HAP1: variants seen among roughly 807,000 people sequenced by gnomAD.
The protein encoded by HAP1 is huntingtin-associated protein 1.
HAP1 carries 59 observed loss-of-function variants against 60.3 expected under a neutral mutation model. That is an observed-to-expected ratio of 0.98 (90% CI 0.79 to 1.22). The LOEUF (loss-of-function observed/expected upper bound fraction) is 1.22. HAP1 is among the 50% of genes most tolerant of loss of function. The pLI is 0.00. For missense variants in HAP1, 825 were observed against 785.3 expected (o/e 1.05, Z -0.60); for synonymous variants, 346 against 330.6 (o/e 1.05, Z -0.50).
At chr17:41,732,155 G>A in intron 3 of HAP1, 37 bp from the exon 4 acceptor site, 2 of 1,611,086 alleles carry the variant, frequency 1.2e-6, no homozygotes, top group Non-Finnish European at 8.5e-7. Context: ...GTTGGGAGTG[G>A]GCAGGGACAG....
chr17:41,725,831 G>A (rs782082647), intron 10 of HAP1, 28 bp downstream of exon 10: 11 of 1,593,388 alleles, frequency 6.9e-6, no homozygotes, highest in Non-Finnish European at 9.5e-6. Flanking sequence ...CTGAGGGCAG[G>A]TTGTAGGGGA....
chr17:41,734,155 G>A lies in HAP1; in HGVS notation c.469+11C>T, dbSNP rs974127680. The A allele has an allele frequency of 1.1e-4, 173 of 1,564,548 alleles. 1 individual carries two copies. Among genetic ancestry groups the A allele is most frequent in the Non-Finnish European group, 1.5e-4 (169 of 1,150,760 alleles). On this transcript the variant is annotated intron_variant, in intron 1 of 10. Transcript: ENST00000347901. ...CCCCACCCGGTCCAGGACCCCGGGG[G>A]CCCGATTTACCTTCCTCCAGCTCCC...
chr17:41,726,271 G>A (rs548904734), intron 9 of HAP1, among the ~76,000 whole-genome samples: 50 of 152,096 alleles, frequency 3.3e-4, no homozygotes, highest in Non-Finnish European at 4.6e-4. Flanking sequence ...AAAATTAGCC[G>A]GGCGTGGTGA....
chr17:41,719,124 A>C (rs4325618), downstream of HAP1, among the ~76,000 whole-genome samples: 2 of 151,726 alleles, frequency 1.3e-5, no homozygotes, highest in African/African-American at 2.4e-5. Context: ...GATTATAGGC[A>C]GGCACCACCA....
intron 6 of HAP1, 39 bp from the exon 7 acceptor site, chr17:41,728,370 G>A (rs1555589618): frequency 1.2e-6 from 2 of 1,604,560 alleles, no homozygotes; most frequent in East Asian, 2.2e-5. Flanking sequence ...TGGCTCCCCT[G>A]GCCTTCAGGG....
chr17:41,734,628 G>T lies in HAP1; in HGVS notation c.7C>A (p.Pro3Thr), dbSNP rs535921386. 6.6e-7 allele frequency: 1 copy of T among 1,511,778 alleles called. No homozygotes were observed. The highest frequency in any genetic ancestry group is 2.4e-5 in the East Asian group (1 of 42,166). 93.6% of individuals were successfully genotyped at this position (1,511,778 alleles called of 1,614,324 possible). A position where few individuals can be genotyped will look rare whatever the true frequency, so the allele number is the denominator to read the frequency against. ...GCGCAGCACCGGCCCAACCTCTTCG[G>T]GCGCATCTCGAGTCTGCCGTCCGCT... MR[P>T]KRLGRCCAGS... Residue 3 changes from proline (P) to threonine (T), a missense_variant, in exon 1 of 11, where the codon CCG (proline) becomes ACG (threonine). Coordinates refer to ENST00000347901, the MANE Select transcript of HAP1 (RefSeq NM_177977.3).
At chr17:41,727,646 C>T (rs1911773457) in intron 8 of HAP1, 116 bp downstream of exon 8, 1 of 687,916 alleles carries the variant, frequency 1.5e-6, no homozygotes, top group Non-Finnish European at 2.6e-6. Context: ...TGGAAACGGA[C>T]AAGACTCAGT....
intron 1 of HAP1, 131 bp from the exon 2 acceptor site, chr17:41,732,929 G>C (rs1912341064): frequency 1.5e-6 from 1 of 663,956 alleles, no homozygotes; most frequent in African/African-American, 1.8e-5. Context: ...AGAAGACTGG[G>C]CTCCCCTCCT....
In HAP1 at chr17:41,725,143, C is replaced by T. The variant is rs374915588; in HGVS notation, c.1418G>A (p.Arg473His). The change falls in exon 11 of 11, where the codon CGC becomes CAC. Residue 473 changes from arginine (R) to histidine (H), a missense_variant. Physicochemically the swap from Arg to His is conservative, Grantham distance 29 (BLOSUM62 0). Coordinates refer to ENST00000347901, the MANE Select transcript of HAP1 (RefSeq NM_177977.3). ...CACCTGCTCTCGATCCTCACTGTAG[C>T]GAAAATCATACCTGGGCGGGAGATA... ...GDTSSLRYDF[R>H]YSEDREQVRG... 255 of 1,583,496 alleles carry T rather than the reference C, an allele frequency of 1.6e-4. 1 individual carries two copies. In the South Asian group the frequency reaches 1.8e-3, roughly 11 times the overall value.
intron 6 of HAP1, among the ~76,000 whole-genome samples, chr17:41,729,522 C>G (rs1403762750): frequency 8.4e-6 from 1 of 119,410 alleles, no homozygotes; most frequent in Non-Finnish European, 1.7e-5. Context: ...TGCACTCCAG[C>G]CTGGGTTACA....
rs908947077 is a variant in HAP1, at chr17:41,732,054, T to C, written c.779A>G (p.Asp260Gly). Reference sequence around the variant, plus strand: ...CTCTTCTTCATCCTCATCCTCCTCATCAGAATCTGAGTAGAGCTGGAGGAG... The same window carrying C: ...CTCTTCTTCATCCTCATCCTCCTCACCAGAATCTGAGTAGAGCTGGAGGAG... The part of the protein sequence containing the change: ...DELLQLYSDS[D>G]EEDEDEEEEE... Residue 260 changes from aspartate to glycine, a missense_variant, in exon 4 of 11, where the codon GAT (aspartate) becomes GGT (glycine). Transcript: ENST00000347901. 9 of 1,606,230 alleles carry C rather than the reference T, an allele frequency of 5.6e-6. No homozygotes were observed. Among genetic ancestry groups the C allele is most frequent in the South Asian group, 5.5e-5 (5 of 90,912 alleles).
chr17:41,720,605 A>G (rs782511109), downstream of HAP1, among the ~76,000 whole-genome samples: 1 of 151,960 alleles, frequency 6.6e-6, no homozygotes, highest in Non-Finnish European at 1.5e-5. Flanking sequence ...CTTCTTCTCA[A>G]TTGCCTTCAG....
rs1555588442 is a variant in HAP1, at chr17:41,725,112, C to T, written c.1449G>A (p.Gly483=). The stretch of plus-strand genomic sequence containing the variant: ...GCATCAACCCTTCCTCAGCCTCAAA[C>T]CCCCGCACCTGCTCTCGATCCTCAC... ...RYSEDREQVR[G]FEAEEGLMLA... is the part of the protein sequence containing the mutation. Residue 483 remains glycine, a synonymous_variant, in exon 11 of 11, where the codon GGG becomes GGA. Coordinates refer to ENST00000347901, the MANE Select transcript of HAP1 (RefSeq NM_177977.3). 3 of 1,608,646 alleles carry T rather than the reference C, an allele frequency of 1.9e-6. No homozygotes were observed. The highest frequency in any genetic ancestry group is 1.7e-6 in the Non-Finnish European group (2 of 1,176,776).
In HAP1 at chr17:41,722,845, G is replaced by A. The variant is rs1911300204; in HGVS notation, c.*1856C>T. The A allele has an allele frequency of 6.6e-6, 1 of 151,396 alleles. No homozygotes were observed. Among genetic ancestry groups the A allele is most frequent in the South Asian group, 2.1e-4 (1 of 4,738 alleles). The allele number at this position is 151,396 out of a possible 1,614,324, so 9.4% of individuals were successfully genotyped here. On this transcript the variant is annotated 3_prime_UTR_variant, in exon 11 of 11. Transcript: ENST00000347901. ...AGGGAGGGGGGGATCAAGACAGAGG[G>A]GAGAGGGGCTGGGCCACGGATGGGA... is the stretch of plus-strand genomic sequence containing the variant.
At chr17:41,730,917 T>C (rs1333063408) in intron 6 of HAP1, among the ~76,000 whole-genome samples, 389 of 5,694 alleles carry the variant, frequency 0.068, 1 homozygote, top group African/African-American at 0.08. Context: ...AGACCCACCT[T>C]TTTTTTTTTT....
At chr17:41,721,233 T>C (rs1911189536), downstream of HAP1, 1 of 152,382 alleles carries the variant, frequency 6.6e-6, no homozygotes, top group South Asian at 2.1e-4. Flanking sequence ...ACTATTCATA[T>C]AAATAATTTT....
chr17:41,725,876 C>T lies in HAP1; in HGVS notation c.1389G>A (p.Gly463=), dbSNP rs1555588684. 2.5e-6 allele frequency: 4 copies of T among 1,612,946 alleles called. No homozygotes were observed. In the African/African-American group the frequency reaches 4.0e-5, roughly 16 times the overall value. Residue 463 remains glycine, a synonymous_variant, in exon 10 of 11, where the codon GGG becomes GGA. Transcript: ENST00000347901. The part of the protein sequence containing the change: ...FMERNYEMPR[G]DTSSLRYDFR... ...AGGCTTACCTTAGGCTGGATGTGTC[C>T]CCTCTGGGCATCTCATAATTCCTTC...
chr17:41,731,114 T>C (rs1450588686), intron 6 of HAP1, among the ~76,000 whole-genome samples: 1 of 152,102 alleles, frequency 6.6e-6, no homozygotes, highest in Non-Finnish European at 1.5e-5. Context: ...TTTCTCTAAG[T>C]TGGTTAGGCT....
At chr17:41,725,642 C>T (rs1555588601) in intron 10 of HAP1, among the ~76,000 whole-genome samples, 1 of 152,198 alleles carries the variant, frequency 6.6e-6, no homozygotes. Context: ...AAGAAAGCTT[C>T]AGTCCCCACT....
Sources: allele counts gnomAD v4.1 joint callset (sites outside exome capture counted in the v4.1 genomes callset), GRCh38; gene constraint gnomAD v4.1.1; transcripts MANE v1.5; gene names NCBI Gene and HGNC (gene_info 2026-07-23, HGNC 2026-07-21).